The following SPOCK3 variants were observed in gnomAD, a reference collection of about 807,000 sequenced individuals.
SPOCK3 encodes testican-3.
SPOCK3 carries 30 observed loss-of-function variants against 56.6 expected under a neutral mutation model. The observed-to-expected ratio is 0.53, with a 90% CI of 0.40 to 0.72. The LOEUF is 0.72. Ranked by LOEUF, SPOCK3 falls within the 30% of genes least tolerant of loss-of-function variation. The pLI is 0.00. For missense variants in SPOCK3, 527 were observed against 530.0 expected (o/e 0.99, Z 0.06); for synonymous variants, 196 against 183.3 (o/e 1.07, Z -0.56).
intron 6 of SPOCK3, among the ~76,000 whole-genome samples, chr4:166,803,922 G>A (rs59719897): frequency 0.15 from 22,392 of 152,028 alleles, 1,936 homozygotes; most frequent in African/African-American, 0.22. Context: ...CAGAGAAAGA[G>A]GCCTTCTCTA....
chr4:166,875,052 T>A (rs1413289968), intron 6 of SPOCK3, among the ~76,000 whole-genome samples: 3 of 151,892 alleles, frequency 2.0e-5, no homozygotes, highest in African/African-American at 4.8e-5. Context: ...GAGGAGTGAG[T>A]GATCTACAAG....
chr4:166,990,823 A>G (rs1238640535), intron 4 of SPOCK3, among the ~76,000 whole-genome samples: 2 of 152,254 alleles, frequency 1.3e-5, no homozygotes. Flanking sequence ...ATTAATAATG[A>G]TAATATTAAA....
chr4:166,797,051 G>A (rs544172141), intron 6 of SPOCK3, among the ~76,000 whole-genome samples: 3 of 152,026 alleles, frequency 2.0e-5, no homozygotes, highest in Non-Finnish European at 4.4e-5. Context: ...TGCTCTGATG[G>A]CACAATGTTT....
intron 4 of SPOCK3, among the ~76,000 whole-genome samples, chr4:166,974,158 A>G (rs2150079249): frequency 6.6e-6 from 1 of 152,290 alleles, no homozygotes; most frequent in African/African-American, 2.4e-5. Flanking sequence ...ATCCTTTAAT[A>G]AAATTTTTAA....
At position 167,126,497 on chromosome 4, in the gene SPOCK3, C is replaced by T. The variant is rs539739077; in HGVS notation, c.190-63960G>A. Among the ~76,000 whole-genome samples the T allele has an allele frequency of 4.0e-5, 6 of 151,692 alleles. No individual in the cohort carries two copies. In the East Asian group the frequency reaches 7.8e-4, roughly 20 times the overall value. Reference sequence around the variant, plus strand: ...CCAGGAGGCAGAGGTTTCAGTGAGCCGATATCATGCTATTGCACTCTAGCC... The same window carrying T: ...CCAGGAGGCAGAGGTTTCAGTGAGCTGATATCATGCTATTGCACTCTAGCC... On this transcript the variant is annotated intron_variant, in intron 2 of 10. Transcript: ENST00000357545.
rs2318485 is a variant in SPOCK3, at chr4:166,743,440, C to A, written c.932-1381G>T. 1.5e-4 allele frequency among the ~76,000 whole-genome samples: 23 copies of A among 151,990 alleles called. No individual in the cohort carries two copies. The East Asian group carries it at 4.3e-3, about 28-fold the overall frequency. On this transcript the variant is annotated intron_variant, in intron 8 of 10. Transcript: ENST00000357545. ...ATATGTGAACTTAATCTTGCAGAAT[C>A]TAAAAAAAAATTCATCTTATAGAAT... is the stretch of plus-strand genomic sequence containing the variant.
intron 2 of SPOCK3, among the ~76,000 whole-genome samples, chr4:167,142,196 A>G (rs897965566): frequency 2.0e-5 from 3 of 151,964 alleles, no homozygotes; most frequent in Admixed American, 1.3e-4. Flanking sequence ...GAGGTCCCCA[A>G]GCAATATGAG....
At chr4:167,172,272 T>C (rs4859972) in intron 2 of SPOCK3, among the ~76,000 whole-genome samples, 27,943 of 152,156 alleles carry the variant, frequency 0.18, 2,812 homozygotes, top group Admixed American at 0.26. Flanking sequence ...CTTCACAAAG[T>C]CATTTTTACA....
chr4:167,035,137 T>C (rs1353194274), intron 3 of SPOCK3, among the ~76,000 whole-genome samples: 1 of 152,038 alleles, frequency 6.6e-6, no homozygotes, highest in East Asian at 1.9e-4. Context: ...CAACTCCAAA[T>C]AGAAGAAAAA....
chr4:166,931,317 C>T (rs558362346), intron 4 of SPOCK3, among the ~76,000 whole-genome samples: 2 of 138,782 alleles, frequency 1.4e-5, no homozygotes, highest in Non-Finnish European at 3.1e-5. Flanking sequence ...AAACACACTA[C>T]TCTAGGTGTG....
intron 2 of SPOCK3, among the ~76,000 whole-genome samples, chr4:167,186,035 T>C (rs1731922617): frequency 6.6e-6 from 1 of 152,044 alleles, no homozygotes; most frequent in Non-Finnish European, 1.5e-5. Context: ...TCTAAAGATA[T>C]AAAAGTAGAT....
chr4:166,796,501 A>C (rs987986318), intron 6 of SPOCK3, among the ~76,000 whole-genome samples: 1 of 152,150 alleles, frequency 6.6e-6, no homozygotes, highest in African/African-American at 2.4e-5. Flanking sequence ...TGATTCATAA[A>C]GTTTTTTAAA....
intron 5 of SPOCK3, among the ~76,000 whole-genome samples, chr4:166,897,228 A>G (rs1429843705): frequency 6.6e-6 from 1 of 152,074 alleles, no homozygotes; most frequent in Non-Finnish European, 1.5e-5. Context: ...TCTAATATTA[A>G]TAGAATTGCC....
chr4:166,882,796 C>T (rs1733811970), intron 6 of SPOCK3: 1 of 152,134 alleles, frequency 6.6e-6, no homozygotes, highest in Non-Finnish European at 1.5e-5. Flanking sequence ...ACATTGAAAA[C>T]TCCTCTTTCA....
intron 4 of SPOCK3, among the ~76,000 whole-genome samples, chr4:166,975,259 A>C (rs1227496388): frequency 2.0e-5 from 3 of 152,232 alleles, no homozygotes; most frequent in African/African-American, 7.2e-5. Flanking sequence ...AAGCAGACTA[A>C]GACAATATGT....
intron 6 of SPOCK3, among the ~76,000 whole-genome samples, chr4:166,801,815 A>G (rs796092912): frequency 5.3e-5 from 8 of 152,322 alleles, no homozygotes; most frequent in African/African-American, 1.9e-4. Context: ...TCTCCAATAT[A>G]AAGTAGCATA....
chr4:166,996,618 T>G (rs1203319442), intron 4 of SPOCK3, among the ~76,000 whole-genome samples: 1 of 152,154 alleles, frequency 6.6e-6, no homozygotes, highest in Non-Finnish European at 1.5e-5. Context: ...TACTACTATT[T>G]TCTTTTAACT....
chr4:167,125,079 C>A (rs566994703), intron 2 of SPOCK3, among the ~76,000 whole-genome samples: 3 of 152,056 alleles, frequency 2.0e-5, no homozygotes, highest in African/African-American at 7.2e-5. Context: ...TCGTCCCTTG[C>A]TTACTATATT....
chr4:166,751,859 C>T (rs1736412298), intron 8 of SPOCK3, among the ~76,000 whole-genome samples: 2 of 152,052 alleles, frequency 1.3e-5, no homozygotes, highest in South Asian at 4.1e-4. Flanking sequence ...TTCAGGATTA[C>T]TTAGAATAAA....
Sources: allele counts gnomAD v4.1 joint callset (sites outside exome capture counted in the v4.1 genomes callset), GRCh38; gene constraint gnomAD v4.1.1; transcripts MANE v1.5; gene names NCBI Gene and HGNC (gene_info 2026-07-23, HGNC 2026-07-21).